The following BAZ2B variants were observed in gnomAD, a reference collection of about 807,000 sequenced individuals.
The protein encoded by BAZ2B is bromodomain adjacent to zinc finger domain 2B.
BAZ2B carries 91 observed loss-of-function variants against 246.0 expected under a neutral mutation model. The ratio of observed to expected loss-of-function variants is 0.37; its 90% CI spans 0.31 to 0.44. The LOEUF is 0.44. BAZ2B is among the 20% of genes least tolerant of loss of function. BAZ2B has a pLI of 1.00. For synonymous variants in BAZ2B, 855 were observed against 860.0 expected, an observed-to-expected ratio of 0.99 and a Z score of 0.10; for missense variants, 2,332 against 2,533.7, an observed-to-expected ratio of 0.92 and a Z score of 1.71.
intron 1 of BAZ2B, among the ~76,000 whole-genome samples, chr2:159,603,978 T>G (rs1192620831): frequency 6.6e-6 from 1 of 152,232 alleles, no homozygotes; most frequent in African/African-American, 2.4e-5. Context: ...TATAGTAGCC[T>G]GTGAATAATA....
intron 13 of BAZ2B, among the ~76,000 whole-genome samples, chr2:159,422,920 G>A (rs971409218): frequency 3.3e-5 from 5 of 151,920 alleles, no homozygotes; most frequent in Non-Finnish European, 7.4e-5. Flanking sequence ...AAAGATACAT[G>A]GAGCCAACAA....
At chr2:159,638,295 G>A in the BAZ2B span, among the ~76,000 whole-genome samples, 2 of 152,138 alleles carry the variant, frequency 1.3e-5, no homozygotes, top group East Asian at 1.9e-4. Context: ...AAGCCCAGAC[G>A]GTGGAGACTA....
chr2:159,501,092 A>G (rs1328021303), intron 2 of BAZ2B, among the ~76,000 whole-genome samples: 1 of 134,786 alleles, frequency 7.4e-6, no homozygotes, highest in Non-Finnish European at 1.6e-5. Context: ...CAACATGGTG[A>G]AACCCCATCT....
chr2:159,415,007 G>T (rs141678957), intron 13 of BAZ2B, among the ~76,000 whole-genome samples: 1 of 152,168 alleles, frequency 6.6e-6, no homozygotes, highest in East Asian at 1.9e-4. Context: ...GTAGATGAGG[G>T]TATATGTAAA....
chr2:159,359,572 T>C (rs912753375), intron 27 of BAZ2B, among the ~76,000 whole-genome samples: 9 of 152,000 alleles, frequency 5.9e-5, no homozygotes, highest in Admixed American at 1.3e-4. Context: ...TTCCCAACAA[T>C]AGAAAAGGAG....
chr2:159,682,918 C>A, the BAZ2B span, among the ~76,000 whole-genome samples: 119,891 of 146,580 alleles, frequency 0.82, 49,871 homozygotes, highest in Middle Eastern at 0.91. Context: ...CTCCCCCCCC[C>A]CACACACACC....
rs1479160161 is a variant in BAZ2B at position 159,325,821 on chromosome 2, G to T, written c.6041C>A (p.Thr2014Asn). Residue 2014 changes from threonine (T) to asparagine (N), a missense_variant, in exon 35 of 37, where the codon ACT becomes AAT. This residue lies in a region of BAZ2B where 210 missense variants were observed against 232.5 expected (regional missense o/e 0.90). Coordinates refer to ENST00000392783, the MANE Select transcript of BAZ2B (RefSeq NM_013450.4). ...TGTAGATGCAGAGTCTTCATCTTCAGTATCTCCTGTTAAAGTTACCTTCTT... is the reference window on the plus strand; with the variant it reads ...TGTAGATGCAGAGTCTTCATCTTCATTATCTCCTGTTAAAGTTACCTTCTT... ...KGKKVTLTGD[T>N]EDEDSASTSS... 1.2e-6 allele frequency: 2 copies of T among 1,608,256 alleles called. No homozygotes were observed. The highest frequency in any genetic ancestry group is 1.1e-5 in the South Asian group (1 of 89,462).
intron 36 of BAZ2B, among the ~76,000 whole-genome samples, chr2:159,321,028 A>G (rs552368041): frequency 2.4e-4 from 36 of 152,208 alleles, no homozygotes; most frequent in Non-Finnish European, 4.7e-4. Flanking sequence ...TAGAGGTAAC[A>G]TTATGAGGGT....
At chr2:159,587,379 G>A (rs1347404078) in intron 1 of BAZ2B, among the ~76,000 whole-genome samples, 1 of 151,978 alleles carries the variant, frequency 6.6e-6, no homozygotes, top group African/African-American at 2.4e-5. Context: ...CACGCTCGAC[G>A]CAACTTTCTT....
intron 20 of BAZ2B, 60 bp from the exon 21 acceptor site, chr2:159,389,545 T>C: frequency 1.4e-6 from 2 of 1,381,784 alleles, no homozygotes; most frequent in South Asian, 3.3e-5. Flanking sequence ...TGGAATAAAC[T>C]TAGAATTATG....
At chr2:159,574,657 G>A (rs1368950733) in intron 1 of BAZ2B, among the ~76,000 whole-genome samples, 3 of 152,056 alleles carry the variant, frequency 2.0e-5, no homozygotes, top group Non-Finnish European at 2.9e-5. Context: ...AACAAAATAT[G>A]ACACACTCAT....
At chr2:159,575,560 C>T (rs1217393887) in intron 1 of BAZ2B, among the ~76,000 whole-genome samples, 1 of 152,152 alleles carries the variant, frequency 6.6e-6, no homozygotes, top group Non-Finnish European at 1.5e-5. Context: ...ATTACAACTG[C>T]TTTTAAGGTT....
At chr2:159,385,486 A>AAT in intron 22 of BAZ2B, 117 bp from the exon 23 acceptor site, 2 of 808,428 alleles carry the variant, frequency 2.5e-6, no homozygotes, top group South Asian at 2.3e-5. Flanking sequence ...AGCTTTATTC[A>AAT]CTTTTTTTTT....
intron 1 of BAZ2B, among the ~76,000 whole-genome samples, chr2:159,566,888 T>C (rs1682729638): frequency 6.6e-6 from 1 of 152,018 alleles, no homozygotes; most frequent in Non-Finnish European, 1.5e-5. Flanking sequence ...ACAGGTTAAA[T>C]GCAAACTAAG....
intron 1 of BAZ2B, among the ~76,000 whole-genome samples, chr2:159,571,498 C>G (rs767399798): frequency 2.0e-5 from 3 of 152,106 alleles, no homozygotes; most frequent in Non-Finnish European, 2.9e-5. Flanking sequence ...GAGAGCTAGA[C>G]AGCATCATCA....
In BAZ2B at chr2:159,350,065, G is replaced by A. The variant is rs764658276; in HGVS notation, c.4506C>T (p.Asn1502=). ...GANGCTLSYQ[N]SGKHSLGSVQ... ...CGCTGCCCAGTGAATGTTTTCCACT[G>A]TTCTGATAAGACAACGTGCACCCAT... The change falls in exon 28 of 37, where the codon AAC becomes AAT. Residue 1502 remains asparagine (N), a synonymous_variant. Transcript: ENST00000392783. The A allele has an allele frequency of 6.2e-7, 1 of 1,614,130 alleles. No individual in the cohort carries two copies. Among genetic ancestry groups the A allele is most frequent in the Non-Finnish European group, 8.5e-7 (1 of 1,180,010 alleles).
intron 34 of BAZ2B, 93 bp from the exon 35 acceptor site, chr2:159,326,011 G>T: frequency 9.3e-7 from 1 of 1,080,598 alleles, no homozygotes. Context: ...GGACAAATAA[G>T]TAAAAAGAAT....
chr2:159,615,494 C>T (rs1045311032), intron 1 of BAZ2B: 4 of 152,192 alleles, frequency 2.6e-5, no homozygotes, highest in Admixed American at 1.3e-4. Context: ...CCCACCCCCA[C>T]CCCCGCTCAT....
chr2:159,701,903 A>G, the BAZ2B span, among the ~76,000 whole-genome samples: 3 of 151,750 alleles, frequency 2.0e-5, no homozygotes, highest in Non-Finnish European at 4.4e-5. Context: ...TAATTTTTGT[A>G]TTTTTAGTAG....
Sources: allele counts gnomAD v4.1 joint callset (sites outside exome capture counted in the v4.1 genomes callset), GRCh38; gene constraint gnomAD v4.1.1; regional missense constraint gnomAD v4.1.1; transcripts MANE v1.5; gene names NCBI Gene and HGNC (gene_info 2026-07-23, HGNC 2026-07-21).